The following STK32B variants were observed in gnomAD, a reference collection of about 807,000 sequenced individuals.
The protein encoded by STK32B is serine/threonine kinase 32B, also known as serine/threonine-protein kinase 32B.
In STK32B, 43 loss-of-function variants were observed where a neutral mutation model predicts 52.6. The observed-to-expected ratio is 0.82, with a 90% confidence interval of 0.64 to 1.05. The LOEUF is 1.05. STK32B is among the 50% of genes least tolerant of loss of function. STK32B has a pLI of 0.00. For missense variants in STK32B, 621 were observed against 534.6 expected (o/e 1.16, Z -1.59); for synonymous variants, 238 against 204.3 (o/e 1.17, Z -1.41).
At chr4:5,361,041 G>A (rs1388326529) in intron 4 of STK32B, among the ~76,000 whole-genome samples, 1 of 152,126 alleles carries the variant, frequency 6.6e-6, no homozygotes, top group Non-Finnish European at 1.5e-5. Flanking sequence ...TTGACTATGG[G>A]TACTAGGTAC....
rs1311621669 is a variant in STK32B at position 5,051,858 on chromosome 4, C to T, written c.-6C>T. Reference sequence around the variant, plus strand: ...GGGCATGTAGCAGCGGCAGCAACGGCGGAATATGGGCGGGAACCACTCCCA... The same window carrying T: ...GGGCATGTAGCAGCGGCAGCAACGGTGGAATATGGGCGGGAACCACTCCCA... On this transcript the variant is annotated 5_prime_UTR_variant, in exon 1 of 12. Coordinates refer to ENST00000282908, the MANE Select transcript of STK32B (RefSeq NM_018401.3). 7.5e-6 allele frequency: 12 copies of T among 1,596,744 alleles called. No individual in the cohort carries two copies. The highest frequency in any genetic ancestry group is 1.7e-4 in the Middle Eastern group (1 of 6,032).
At chr4:5,100,180 C>T (rs1359203857) in intron 1 of STK32B, among the ~76,000 whole-genome samples, 1 of 152,102 alleles carries the variant, frequency 6.6e-6, no homozygotes, top group Non-Finnish European at 1.5e-5. Flanking sequence ...ATTCCACGGC[C>T]ACCGTGATCC....
At chr4:5,309,245 C>A (rs1730130560) in intron 3 of STK32B, among the ~76,000 whole-genome samples, 1 of 151,838 alleles carries the variant, frequency 6.6e-6, no homozygotes, top group Non-Finnish European at 1.5e-5. Context: ...ATGAAGAAGA[C>A]ACAGAAAAAT....
intron 1 of STK32B, among the ~76,000 whole-genome samples, chr4:5,055,753 T>TC (rs921166767): frequency 7.9e-5 from 12 of 151,566 alleles, no homozygotes; most frequent in African/African-American, 2.7e-4. Flanking sequence ...CGAGGGCATC[T>TC]CCCCCCCAGC....
intron 4 of STK32B, among the ~76,000 whole-genome samples, chr4:5,383,984 G>T (rs1011149321): frequency 6.6e-6 from 1 of 152,204 alleles, no homozygotes; most frequent in Non-Finnish European, 1.5e-5. Context: ...GATAGGGAGC[G>T]CTGGGGAGCT....
intron 3 of STK32B, among the ~76,000 whole-genome samples, chr4:5,263,190 G>A (rs1577262647): frequency 7.1e-6 from 1 of 141,164 alleles, no homozygotes; most frequent in East Asian, 2.2e-4. Flanking sequence ...TGAAAAAAGA[G>A]GGACCTCTCA....
At chr4:5,122,413 T>C (rs1326876727) in intron 1 of STK32B, among the ~76,000 whole-genome samples, 4 of 151,306 alleles carry the variant, frequency 2.6e-5, no homozygotes, top group Admixed American at 6.6e-5. Context: ...CACTCACTCA[T>C]TCATTCACTC....
At chr4:5,205,706 GTGTGTGTGTGTGT>G (rs1722524378) in intron 3 of STK32B, among the ~76,000 whole-genome samples, 1 of 38,988 alleles carries the variant, frequency 2.6e-5, no homozygotes, top group Admixed American at 3.9e-4. Flanking sequence ...GCGCGCGCGT[GTGTGTGTGTGTGT>G]GTGTGTGTGT....
intron 3 of STK32B, among the ~76,000 whole-genome samples, chr4:5,243,892 C>T (rs941337425): frequency 9.2e-5 from 14 of 152,132 alleles, no homozygotes; most frequent in Admixed American, 2.6e-4. Flanking sequence ...TACTGATGTT[C>T]GTATGTTGAA....
At chr4:5,312,008 A>G (rs1029316324) in intron 3 of STK32B, among the ~76,000 whole-genome samples, 42 of 151,622 alleles carry the variant, frequency 2.8e-4, no homozygotes, top group African/African-American at 8.7e-4. Context: ...GGAAAATAAA[A>G]TGCCTCCATC....
intron 3 of STK32B, among the ~76,000 whole-genome samples, chr4:5,176,322 C>T (rs1035857706): frequency 2.5e-4 from 38 of 152,194 alleles, no homozygotes; most frequent in African/African-American, 8.2e-4. Context: ...ACCCACTGTC[C>T]GGCACTCCCC....
chr4:5,370,964 C>G (rs1735183667), intron 4 of STK32B, among the ~76,000 whole-genome samples: 1 of 144,230 alleles, frequency 6.9e-6, no homozygotes, highest in Non-Finnish European at 1.5e-5. Flanking sequence ...CGAAGCAAGA[C>G]ACTATCTAAA....
At chr4:5,437,069 C>T (rs1000141634) in intron 6 of STK32B, among the ~76,000 whole-genome samples, 1 of 152,192 alleles carries the variant, frequency 6.6e-6, no homozygotes, top group Non-Finnish European at 1.5e-5. Flanking sequence ...AAGGGTGCAC[C>T]AGGGCACCAA....
In STK32B at chr4:5,451,308, A is replaced by G. The variant is rs919528203; in HGVS notation, c.666+4532A>G. Among the ~76,000 whole-genome samples the G allele has an allele frequency of 3.9e-5, 6 of 152,170 alleles. No homozygotes were observed. The South Asian group carries it at 8.3e-4, about 21-fold the overall frequency. ...TGGAAGGAATAATGTGAGCGCAGGT[A>G]GAGAAGTGGAAGCTAGGGCTGATTC... On this transcript the variant is annotated intron_variant, in intron 7 of 11. Transcript: ENST00000282908.
chr4:5,059,252 C>T (rs543252607), intron 1 of STK32B, among the ~76,000 whole-genome samples: 301 of 151,942 alleles, frequency 2.0e-3, no homozygotes, highest in Non-Finnish European at 2.7e-3. Flanking sequence ...AGTATAACCA[C>T]GCCTATCCTG....
intron 2 of STK32B, among the ~76,000 whole-genome samples, chr4:5,147,339 G>A (rs1216479606): frequency 6.6e-6 from 1 of 150,868 alleles, no homozygotes; most frequent in Non-Finnish European, 1.5e-5. Context: ...TTGTTTTGTA[G>A]TATTCTGGAG....
intron 3 of STK32B, among the ~76,000 whole-genome samples, chr4:5,192,192 T>A (rs1721262428): frequency 6.6e-6 from 1 of 152,190 alleles, no homozygotes; most frequent in South Asian, 2.1e-4. Flanking sequence ...GAGTCCAAAA[T>A]GATGACATTT....
chr4:5,125,535 C>T (rs1352465532), intron 1 of STK32B, among the ~76,000 whole-genome samples: 1 of 152,158 alleles, frequency 6.6e-6, no homozygotes, highest in Non-Finnish European at 1.5e-5. Flanking sequence ...ACCAGAGCAG[C>T]CTTACTTGGC....
At chr4:5,337,698 C>G (rs574045281) in intron 4 of STK32B, among the ~76,000 whole-genome samples, 1 of 150,962 alleles carries the variant, frequency 6.6e-6, no homozygotes, top group East Asian at 1.9e-4. Context: ...AGTTGAGTTA[C>G]GAGAGGTTCA....
Sources: gnomAD v4.1 joint callset for allele counts (sites outside exome capture counted in the v4.1 genomes callset) on GRCh38, gnomAD v4.1.1 for gene constraint, MANE v1.5 for transcripts, NCBI Gene and HGNC (gene_info 2026-07-23, HGNC 2026-07-21) for gene names.